The following DLG2 variants were observed in gnomAD, a reference collection of about 807,000 sequenced individuals.
The protein encoded by DLG2 is discs large MAGUK scaffold protein 2.
A neutral mutation model predicts 132.5 loss-of-function variants in DLG2; 45 were observed. That is an observed-to-expected ratio of 0.34 (90% CI 0.27 to 0.44). DLG2 has a LOEUF of 0.44. DLG2 is among the 20% of genes least tolerant of loss of function. DLG2 has a pLI of 1.00. For missense variants in DLG2, 1,045 were observed against 1,196.9 expected (o/e 0.87, Z 1.87); for synonymous variants, 424 against 419.6 (o/e 1.01, Z -0.13).
chr11:84,662,525 T>G (rs2099695508), intron 6 of DLG2, among the ~76,000 whole-genome samples: 2 of 150,988 alleles, frequency 1.3e-5, no homozygotes, highest in Admixed American at 1.3e-4. Context: ...GGCTCATGCC[T>G]ATAATCCCAG....
chr11:84,894,937 A>C (rs2154066513), intron 6 of DLG2, among the ~76,000 whole-genome samples: 1 of 152,262 alleles, frequency 6.6e-6, no homozygotes, highest in Admixed American at 6.5e-5. Flanking sequence ...CACCAGGCAA[A>C]GGGGGCTCCA....
chr11:84,471,628 T>G (rs2099108667), intron 7 of DLG2, among the ~76,000 whole-genome samples: 1 of 151,442 alleles, frequency 6.6e-6, no homozygotes, highest in African/African-American at 2.4e-5. Flanking sequence ...AGGGAAGGGG[T>G]GAACAGCCAA....
At chr11:83,892,331 TGG>T (rs2070176960) in intron 15 of DLG2, among the ~76,000 whole-genome samples, 1 of 152,196 alleles carries the variant, frequency 6.6e-6, no homozygotes, top group Admixed American at 6.5e-5. Context: ...CGCTTTCCTC[TGG>T]GATTAATTTT....
chr11:84,690,018 C>A (rs1386982266), intron 6 of DLG2, among the ~76,000 whole-genome samples: 1 of 151,744 alleles, frequency 6.6e-6, no homozygotes, highest in East Asian at 1.9e-4. Flanking sequence ...CAGAGAAAAG[C>A]AAGTACTGTA....
chr11:84,738,783 A>T (rs58770890), intron 6 of DLG2, among the ~76,000 whole-genome samples: 2,209 of 152,290 alleles, frequency 0.015, 52 homozygotes, highest in African/African-American at 0.05. Context: ...CTAGGTATTC[A>T]AGAGAAATGA....
Position 84,664,108 on chromosome 11 carries a change from C to T in DLG2, c.358-129377G>A, listed in dbSNP as rs558583858. 1.6e-4 allele frequency among the ~76,000 whole-genome samples: 24 copies of T among 152,298 alleles called. No individual in the cohort carries two copies. In the East Asian group the frequency reaches 3.7e-3, roughly 23 times the overall value. On this transcript the variant is annotated intron_variant, in intron 6 of 27. Transcript: ENST00000376104. ...TCTGAATGAAGCAAAGTGGCAGGCACATTTCCATGAAATATAGTCTTAACA... is the reference window on the plus strand; with the variant it reads ...TCTGAATGAAGCAAAGTGGCAGGCATATTTCCATGAAATATAGTCTTAACA...
intron 3 of DLG2, among the ~76,000 whole-genome samples, chr11:85,593,332 T>C (rs1038728576): frequency 2.6e-5 from 4 of 152,190 alleles, no homozygotes; most frequent in African/African-American, 9.6e-5. Context: ...GGTTTTCAAA[T>C]TTTAACATGC....
intron 18 of DLG2, among the ~76,000 whole-genome samples, chr11:83,768,431 T>C (rs559776742): frequency 6.6e-6 from 1 of 152,364 alleles, no homozygotes; most frequent in African/African-American, 2.4e-5. Flanking sequence ...TTTCTTTTCA[T>C]GACTTTTTCA....
At chr11:84,512,984 T>C (rs1030863425) in intron 7 of DLG2, among the ~76,000 whole-genome samples, 38 of 151,776 alleles carry the variant, frequency 2.5e-4, no homozygotes, top group Middle Eastern at 3.4e-3. Flanking sequence ...CTGGGGCCTG[T>C]TGGGGTTGGG....
intron 18 of DLG2, among the ~76,000 whole-genome samples, chr11:83,700,503 T>A (rs1592695338): frequency 6.6e-6 from 1 of 152,250 alleles, no homozygotes; most frequent in Admixed American, 6.5e-5. Context: ...ATACAGTGGA[T>A]GAAAGACTAC....
At chr11:84,050,077 A>T (rs1334247518) in intron 11 of DLG2, among the ~76,000 whole-genome samples, 1 of 151,686 alleles carries the variant, frequency 6.6e-6, no homozygotes, top group Non-Finnish European at 1.5e-5. Flanking sequence ...ACTGAAACCA[A>T]GTTTTGTGGC....
At chr11:85,206,212 G>A (rs1022659756) in intron 4 of DLG2, among the ~76,000 whole-genome samples, 3 of 152,152 alleles carry the variant, frequency 2.0e-5, no homozygotes, top group African/African-American at 4.8e-5. Flanking sequence ...AGCTCCCTGA[G>A]GCTTTCCCAG....
chr11:84,946,046 C>T (rs888528431), intron 6 of DLG2, among the ~76,000 whole-genome samples: 1 of 152,072 alleles, frequency 6.6e-6, no homozygotes, highest in Admixed American at 6.5e-5. Context: ...TCACTCAAGG[C>T]CGGAGGGCTC....
At chr11:84,587,135 G>A (rs1331206827) in intron 6 of DLG2, among the ~76,000 whole-genome samples, 1 of 152,146 alleles carries the variant, frequency 6.6e-6, no homozygotes, top group African/African-American at 2.4e-5. Flanking sequence ...TTTTGTCTGT[G>A]CAATTTGAGA....
At chr11:84,449,295 C>T (rs982547112) in intron 7 of DLG2, among the ~76,000 whole-genome samples, 1 of 151,702 alleles carries the variant, frequency 6.6e-6, no homozygotes, top group East Asian at 1.9e-4. Flanking sequence ...TGAAAACATA[C>T]AAATCATTTC....
intron 10 of DLG2, among the ~76,000 whole-genome samples, chr11:84,082,666 G>T (rs2096921619): frequency 6.6e-6 from 1 of 152,156 alleles, no homozygotes. Flanking sequence ...TTTATCTGCA[G>T]ATAATTGCAA....
At chr11:84,483,324 T>A (rs1270798138) in intron 7 of DLG2, among the ~76,000 whole-genome samples, 1 of 148,142 alleles carries the variant, frequency 6.8e-6, no homozygotes, top group African/African-American at 2.5e-5. Flanking sequence ...CCCAGCTACT[T>A]GGGAGGCTAA....
intron 5 of DLG2, among the ~76,000 whole-genome samples, chr11:85,122,324 T>C (rs2074418026): frequency 6.6e-6 from 1 of 152,198 alleles, no homozygotes; most frequent in Non-Finnish European, 1.5e-5. Flanking sequence ...TTTAGCTGAA[T>C]CTTAAAGGTT....
rs1454237726 is a variant in DLG2 at position 84,388,118 on chromosome 11, A to G, written c.520-136827T>C. ...CCATACACTGGGGACGTATAATAAC[A>G]AACAGCCTCACTGACAAACATATAT... On this transcript the variant is annotated intron_variant, in intron 7 of 27. Coordinates refer to ENST00000376104, the MANE Select transcript of DLG2 (RefSeq NM_001142699.3). Among the ~76,000 whole-genome samples, 6 of 152,332 alleles carry G rather than the reference A, an allele frequency of 3.9e-5. No homozygotes were observed. In the East Asian group the frequency reaches 1.2e-3, roughly 29 times the overall value.
Sources: allele counts gnomAD v4.1 joint callset (sites outside exome capture counted in the v4.1 genomes callset), GRCh38; gene constraint gnomAD v4.1.1; transcripts MANE v1.5; gene names NCBI Gene and HGNC (gene_info 2026-07-23, HGNC 2026-07-21).